Variants in SLIT3 observed in about 807,000 individuals in gnomAD.
SLIT3 encodes the protein slit guidance ligand 3.
A neutral mutation model predicts 184.0 loss-of-function variants in SLIT3; 68 were observed. The ratio of observed to expected loss-of-function variants is 0.37; its 90% CI spans 0.30 to 0.45. SLIT3 has a LOEUF of 0.45. Among genes scored for constraint, SLIT3 ranks in the 20% least tolerant of loss-of-function variants. The probability of loss-of-function intolerance (pLI) is 1.00; values close to 1 mark genes in which losing one functional copy is unlikely to be tolerated. For missense variants in SLIT3, 1,707 were observed against 2,026.0 expected (o/e 0.84, Z 3.02); for synonymous variants, 831 against 828.6 (o/e 1.00, Z -0.05).
intron 1 of SLIT3, among the ~76,000 whole-genome samples, chr5:169,273,485 C>T (rs182756996): frequency 6.6e-6 from 1 of 152,314 alleles, no homozygotes; most frequent in African/African-American, 2.4e-5. Context: ...GATTCCCAGT[C>T]TTGGCTGCAA....
Position 168,724,633 on chromosome 5 carries a change from T to C in SLIT3, c.2271-149A>G, listed in dbSNP as rs991006925. The C allele has an allele frequency of 2.2e-5, 11 of 504,858 alleles. No homozygotes were observed. In the Admixed American group the frequency reaches 2.9e-4, roughly 13 times the overall value. The allele number at this position is 504,858 out of a possible 1,614,324, so 31.3% of individuals were successfully genotyped here. ...TCCCCAACTTCAAAGCATTACTATATTTGTCATTTAATATTTATTTGATTA... is the reference window on the plus strand; with the variant it reads ...TCCCCAACTTCAAAGCATTACTATACTTGTCATTTAATATTTATTTGATTA... On this transcript the variant is annotated intron_variant, in intron 20 of 35. Transcript: ENST00000519560.
Position 169,287,104 on chromosome 5 carries a change from T to C in SLIT3, c.197+13409A>G, listed in dbSNP as rs150080371. On this transcript the variant is annotated intron_variant, in intron 1 of 35. Coordinates refer to ENST00000519560, the MANE Select transcript of SLIT3 (RefSeq NM_003062.4). ...AGTAAACAGAGCAGATTGGTTACCATCTTGTGCTATGAAGCAATTAGAAGG... is the reference window on the plus strand; with the variant it reads ...AGTAAACAGAGCAGATTGGTTACCACCTTGTGCTATGAAGCAATTAGAAGG... 2.2e-3 allele frequency among the ~76,000 whole-genome samples: 340 copies of C among 152,322 alleles called. 1 individual carries two copies. The highest frequency in any genetic ancestry group is 6.8e-3 in the Middle Eastern group (2 of 294).
At chr5:168,894,815 T>C (rs1408206439) in intron 4 of SLIT3, among the ~76,000 whole-genome samples, 1 of 152,218 alleles carries the variant, frequency 6.6e-6, no homozygotes, top group African/African-American at 2.4e-5. Context: ...CCCCTCCTCC[T>C]TTCTGAATTC....
At chr5:168,907,979 T>TATATATAGAGAGAGAGAGAG (rs376418381) in intron 4 of SLIT3, among the ~76,000 whole-genome samples, 6 of 50,084 alleles carry the variant, frequency 1.2e-4, no homozygotes, top group African/African-American at 6.3e-4. Context: ...TATATATATA[T>TATATATAGAGAGAGAGAGAG]AGAGAGAGAG....
chr5:169,300,730 T>C lies in SLIT3; in HGVS notation c.-21A>G. ...GCCATGGTGTGCAGGGCCCCGCTCC[T>C]GGAGGAGGCTGCCTCTGCGGGGCAA... On this transcript the variant is annotated 5_prime_UTR_variant, in exon 1 of 36. Transcript: ENST00000519560. This position sits in a 1 kb window ranked among gnomAD's most constrained non-coding sequence, Gnocchi z 4.1. 7.7e-6 allele frequency: 10 copies of C among 1,298,692 alleles called. No individual in the cohort carries two copies. The highest frequency in any genetic ancestry group is 8.8e-6 in the Non-Finnish European group (9 of 1,025,938). The allele number at this position is 1,298,692 out of a possible 1,614,324, so 80.4% of individuals were successfully genotyped here. A position where few individuals can be genotyped will look rare whatever the true frequency, so the allele number is the denominator to read the frequency against.
chr5:168,785,841 A>C, intron 12 of SLIT3, 66 bp downstream of exon 12: 1 of 1,186,382 alleles, frequency 8.4e-7, no homozygotes, highest in East Asian at 2.3e-5. Context: ...AGCATGGCTC[A>C]ACGTTTTCAG....
intron 35 of SLIT3, among the ~76,000 whole-genome samples, chr5:168,669,394 T>C (rs1195515392): frequency 6.6e-6 from 1 of 152,098 alleles, no homozygotes; most frequent in Non-Finnish European, 1.5e-5. Context: ...GCCATGGGAG[T>C]GCAGCACATT....
chr5:168,746,493 G>T (rs1361039940), intron 20 of SLIT3, among the ~76,000 whole-genome samples: 2 of 134,154 alleles, frequency 1.5e-5, no homozygotes, highest in Non-Finnish European at 3.2e-5. Context: ...GTGGTGTGTG[G>T]TGGTGTGTGG....
At chr5:168,961,167 G>A (rs1046263680) in intron 4 of SLIT3, among the ~76,000 whole-genome samples, 2 of 152,104 alleles carry the variant, frequency 1.3e-5, no homozygotes, top group African/African-American at 4.8e-5. Context: ...AGACCACTGC[G>A]TCTTTGACTG....
At chr5:169,142,072 TAAAAATAA>T (rs1256234460) in intron 4 of SLIT3, among the ~76,000 whole-genome samples, 1 of 89,038 alleles carries the variant, frequency 1.1e-5, no homozygotes, top group African/African-American at 8.1e-5. Context: ...AAAATAAAAA[TAAAAATAA>T]AAATAAATAA....
At chr5:169,251,568 T>G in intron 1 of SLIT3, 109 bp from the exon 2 acceptor site, 1 of 755,838 alleles carries the variant, frequency 1.3e-6, no homozygotes, top group South Asian at 1.4e-5. Context: ...AAGGCGGCAA[T>G]TCTGATGATT....
At position 169,016,131 on chromosome 5, in the gene SLIT3, A is replaced by G. The variant is rs540312026; in HGVS notation, c.414-132795T>C. Among the ~76,000 whole-genome samples the G allele has an allele frequency of 3.9e-5, 6 of 152,280 alleles. No homozygotes were observed. In the East Asian group the frequency reaches 9.6e-4, roughly 24 times the overall value. On this transcript the variant is annotated intron_variant, in intron 4 of 35. Coordinates refer to ENST00000519560, the MANE Select transcript of SLIT3 (RefSeq NM_003062.4). ...AGCCAGCAAATTAGGAATTTTCTTC[A>G]CAAAGTTTTGAGTAGCTATTTTTCC... is the stretch of plus-strand genomic sequence containing the variant.
chr5:168,700,602 G>A lies in SLIT3; in HGVS notation c.2922C>T (p.Asp974=). Residue 974 remains aspartate, a synonymous_variant, in exon 27 of 36, where the codon GAC becomes GAT. Transcript: ENST00000519560. ...GTTACCTGAACCCATCCTTGTGGCT[G>A]TCACTCAGGTGGCAGGTGCCTCCAT... ...CQHGGTCHLS[D]SHKDGFSCSC... The A allele has an allele frequency of 6.2e-7, 1 of 1,613,966 alleles. No individual in the cohort carries two copies. The highest frequency in any genetic ancestry group is 8.5e-7 in the Non-Finnish European group (1 of 1,179,824).
intron 20 of SLIT3, among the ~76,000 whole-genome samples, chr5:168,731,643 T>A (rs72839529): frequency 0.16 from 23,655 of 152,064 alleles, 2,371 homozygotes; most frequent in Non-Finnish European, 0.22. Context: ...AATGAAAGGA[T>A]GCTTCAATAT....
chr5:169,032,835 A>G (rs956745677), intron 4 of SLIT3, among the ~76,000 whole-genome samples: 1 of 151,274 alleles, frequency 6.6e-6, no homozygotes, highest in African/African-American at 2.4e-5. Flanking sequence ...GAACAACATG[A>G]TATGGGATAC....
intron 20 of SLIT3, among the ~76,000 whole-genome samples, chr5:168,745,783 T>A (rs1451504810): frequency 8.2e-6 from 1 of 122,142 alleles, no homozygotes; most frequent in Non-Finnish European, 1.7e-5. Flanking sequence ...TGCAGAGAAA[T>A]CTTTCATGAA....
chr5:169,223,930 CT>C (rs1318084298), intron 3 of SLIT3, among the ~76,000 whole-genome samples: 3 of 152,288 alleles, frequency 2.0e-5, no homozygotes, highest in African/African-American at 7.2e-5. Context: ...GGTCCTTCAC[CT>C]TTGTTTCTGC....
At chr5:169,040,714 G>C (rs1757419520) in intron 4 of SLIT3, among the ~76,000 whole-genome samples, 1 of 152,166 alleles carries the variant, frequency 6.6e-6, no homozygotes, top group African/African-American at 2.4e-5. Context: ...GATGGCACTG[G>C]ATTAAAAATC....
chr5:168,690,364 T>A (rs762479580), intron 29 of SLIT3, among the ~76,000 whole-genome samples: 12 of 152,102 alleles, frequency 7.9e-5, no homozygotes, highest in Non-Finnish European at 1.2e-4. Context: ...CTAGACCACT[T>A]CTGACCAGTG....
Sources: gnomAD v4.1 joint callset for allele counts (sites outside exome capture counted in the v4.1 genomes callset) on GRCh38, gnomAD v4.1.1 for gene constraint, Gnocchi (gnomAD v3.1) non-coding constraint, MANE v1.5 for transcripts, NCBI Gene and HGNC (gene_info 2026-07-23, HGNC 2026-07-21) for gene names.